DTHD1: variants seen among roughly 807,000 people sequenced by gnomAD.
DTHD1 encodes death domain containing 1.
In DTHD1, 59 loss-of-function variants were observed where a neutral mutation model predicts 74.8. The observed-to-expected ratio is 0.79, with a 90% CI of 0.64 to 0.98. The LOEUF (loss-of-function observed/expected upper bound fraction) is 0.98, where lower values mean the gene tolerates loss of function less well. Among genes scored for constraint, DTHD1 ranks in the 50% least tolerant of loss-of-function variants. The pLI, the probability that DTHD1 is intolerant of heterozygous loss-of-function variation, is 0.00. For missense variants in DTHD1, 1,051 were observed against 1,065.4 expected, an observed-to-expected ratio of 0.99 and a Z score of 0.19; for synonymous variants, 365 against 371.1, an observed-to-expected ratio of 0.98 and a Z score of 0.19.
At chr4:36,332,012 T>A (rs1211068593) in intron 8 of DTHD1, among the ~76,000 whole-genome samples, 1 of 152,042 alleles carries the variant, frequency 6.6e-6, no homozygotes. Flanking sequence ...CCGGGCGCAG[T>A]AGCTCATGCC....
intron 8 of DTHD1, among the ~76,000 whole-genome samples, chr4:36,326,967 T>C (rs200434124): frequency 0.24 from 35,622 of 151,446 alleles, 4,567 homozygotes; most frequent in Admixed American, 0.29. Context: ...TTTTTCTTTT[T>C]TTTTTTTTTT....
chr4:36,310,075 C>G (rs935097561), intron 7 of DTHD1, among the ~76,000 whole-genome samples: 2 of 152,082 alleles, frequency 1.3e-5, no homozygotes, highest in Non-Finnish European at 2.9e-5. Flanking sequence ...TGTATATGTA[C>G]CACATTTTCT....
intron 7 of DTHD1, among the ~76,000 whole-genome samples, chr4:36,313,075 A>G (rs1051113306): frequency 6.6e-6 from 1 of 152,134 alleles, no homozygotes; most frequent in Non-Finnish European, 1.5e-5. Flanking sequence ...AGCACTTTCA[A>G]TTTTTTAAAT....
At chr4:36,286,832 T>G (rs796162692) in intron 2 of DTHD1, among the ~76,000 whole-genome samples, 2 of 152,332 alleles carry the variant, frequency 1.3e-5, no homozygotes, top group South Asian at 4.1e-4. Context: ...TTTAAACATA[T>G]CTAAACATAG....
chr4:36,282,311 G>A (rs968905944), intron 1 of DTHD1, among the ~76,000 whole-genome samples: 1 of 152,162 alleles, frequency 6.6e-6, no homozygotes, highest in Non-Finnish European at 1.5e-5. Context: ...GAAAAATGTA[G>A]TATTTAAGCT....
intron 8 of DTHD1, among the ~76,000 whole-genome samples, chr4:36,318,739 C>T (rs954559355): frequency 3.3e-5 from 5 of 151,690 alleles, no homozygotes; most frequent in Admixed American, 6.6e-5. Context: ...CTCAGCCTCC[C>T]GAGTAGCTGG....
chr4:36,303,712 A>G (rs893485286), intron 5 of DTHD1, among the ~76,000 whole-genome samples: 2 of 152,232 alleles, frequency 1.3e-5, no homozygotes, highest in African/African-American at 2.4e-5. Context: ...ACCGGAAGAC[A>G]GATATAGCAC....
At chr4:36,329,156 T>C (rs1349784823) in intron 8 of DTHD1, among the ~76,000 whole-genome samples, 1 of 152,234 alleles carries the variant, frequency 6.6e-6, no homozygotes, top group Non-Finnish European at 1.5e-5. Flanking sequence ...ATACCGCCTG[T>C]CATTTCCTTT....
At chr4:36,309,244 T>C (rs1757237760) in intron 7 of DTHD1, among the ~76,000 whole-genome samples, 3 of 152,118 alleles carry the variant, frequency 2.0e-5, no homozygotes, top group Admixed American at 6.5e-5. Flanking sequence ...GAGACCAGCC[T>C]GGCCAACATA....
chr4:36,344,769 G>C lies in DTHD1; in HGVS notation c.*945G>C, dbSNP rs1377804306. On this transcript the variant is annotated 3_prime_UTR_variant, in exon 10 of 10. Coordinates refer to ENST00000639862, the MANE Select transcript of DTHD1 (RefSeq NM_001170700.3). ...ATAACTTTGAAATGCCCTTGGCTGA[G>C]AGAAGGGGCTTGTTCAGATAGTTGG... 1 of 152,196 alleles carries C rather than the reference G, an allele frequency of 6.6e-6. No homozygotes were observed. Among genetic ancestry groups the C allele is most frequent in the Non-Finnish European group, 1.5e-5 (1 of 68,040 alleles). The allele number at this position is 152,196 out of a possible 1,614,324, so 9.4% of individuals were successfully genotyped here.
rs1470549362 is a variant in DTHD1, at chr4:36,293,520, A to C, written c.1219-6A>C. ...AGCTTATTTTAATGTTCTTTATTCT[A>C]TACAGGGGACCTGTGCTTCAGTAAA... On this transcript the variant is annotated splice_polypyrimidine_tract_variant and splice_region_variant and intron_variant, in intron 3 of 9. Coordinates refer to ENST00000639862, the MANE Select transcript of DTHD1 (RefSeq NM_001170700.3). 1 of 1,531,318 alleles carries C rather than the reference A, an allele frequency of 6.5e-7. No individual in the cohort carries two copies. The highest frequency in any genetic ancestry group is 2.0e-5 in the Admixed American group (1 of 49,478). The allele number at this position is 1,531,318 out of a possible 1,614,324, so 94.9% of individuals were successfully genotyped here. A position where few individuals can be genotyped will look rare whatever the true frequency, so the allele number is the denominator to read the frequency against.
chr4:36,284,487 G>T lies in DTHD1; in HGVS notation c.783G>T (p.Met261Ile). Residue 261 changes from methionine (M) to isoleucine (I), a missense_variant, in exon 2 of 10, where the codon ATG (methionine) becomes ATT (isoleucine). Met to Ile is a conservative substitution (Grantham distance 10). Transcript: ENST00000639862. The part of the protein sequence containing the change: ...QETSESPREE[M>I]TTSSIICDIS... ...CTTCAGAAAGCCCAAGAGAAGAGATGACCACATCCTCAATAATATGTGATA... is the reference window on the plus strand; with the variant it reads ...CTTCAGAAAGCCCAAGAGAAGAGATTACCACATCCTCAATAATATGTGATA... 3 of 1,536,910 alleles carry T rather than the reference G, an allele frequency of 2.0e-6. No homozygotes were observed. In the South Asian group the frequency reaches 3.6e-5, roughly 18 times the overall value.
At chr4:36,321,967 T>A (rs1267925995) in intron 8 of DTHD1, among the ~76,000 whole-genome samples, 2 of 152,182 alleles carry the variant, frequency 1.3e-5, no homozygotes, top group African/African-American at 4.8e-5. Flanking sequence ...TGCTGGAATG[T>A]TCTTCCATCA....
intron 8 of DTHD1, among the ~76,000 whole-genome samples, chr4:36,337,259 A>T (rs758092011): frequency 1.4e-4 from 22 of 152,202 alleles, no homozygotes; most frequent in African/African-American, 3.4e-4. Context: ...TGGGAGACCA[A>T]CACAGTGCCT....
intron 8 of DTHD1, among the ~76,000 whole-genome samples, chr4:36,319,441 A>G (rs974217701): frequency 1.3e-5 from 2 of 152,256 alleles, no homozygotes; most frequent in African/African-American, 4.8e-5. Context: ...GATGTGGATC[A>G]GCATGAAGAT....
At chr4:36,337,901 T>C (rs1365823901) in intron 8 of DTHD1, among the ~76,000 whole-genome samples, 2 of 152,346 alleles carry the variant, frequency 1.3e-5, no homozygotes, top group East Asian at 3.9e-4. Flanking sequence ...TCACAAGAAG[T>C]TGCAAAATAT....
intron 2 of DTHD1, among the ~76,000 whole-genome samples, chr4:36,286,204 C>A (rs1755701859): frequency 6.6e-6 from 1 of 152,196 alleles, no homozygotes; most frequent in Non-Finnish European, 1.5e-5. Context: ...CTAAAGTAGT[C>A]TATATGTGGT....
intron 2 of DTHD1, among the ~76,000 whole-genome samples, chr4:36,288,496 C>T (rs114969532): frequency 8.9e-4 from 135 of 152,254 alleles, no homozygotes; most frequent in African/African-American, 2.8e-3. Context: ...AGGTGAGAAA[C>T]GAGGATGCAG....
At chr4:36,342,789 T>C (rs769548913) in intron 9 of DTHD1, among the ~76,000 whole-genome samples, 2 of 151,822 alleles carry the variant, frequency 1.3e-5, no homozygotes, top group Non-Finnish European at 2.9e-5. Flanking sequence ...AAAACAATGC[T>C]ACTCGGCCAG....
Sources: gnomAD v4.1 joint callset for allele counts (sites outside exome capture counted in the v4.1 genomes callset) on GRCh38, gnomAD v4.1.1 for gene constraint, MANE v1.5 for transcripts, NCBI Gene and HGNC (gene_info 2026-07-23, HGNC 2026-07-21) for gene names.